The following TTN variants were observed in gnomAD, a reference collection of about 807,000 sequenced individuals.
TTN encodes the protein connectin.
In TTN, 1,525 loss-of-function variants were observed where a neutral mutation model predicts 3,223.0. The ratio of observed to expected loss-of-function variants is 0.47; its 90% CI spans 0.45 to 0.49. TTN has a LOEUF of 0.49. Ranked by LOEUF, TTN falls within the 20% of genes least tolerant of loss-of-function variation. The pLI, the probability that TTN is intolerant of heterozygous loss-of-function variation, is 0.00. For synonymous variants in TTN, 14,094 were observed against 15,161.0 expected, an observed-to-expected ratio of 0.93 and a Z score of 5.17; for missense variants, 40,786 against 43,424.0, an observed-to-expected ratio of 0.94 and a Z score of 5.40.
In TTN at chr2:178,536,094, G is replaced by T. The variant is rs727505326; in HGVS notation, c.100653C>A (p.Gly33551=). ...LKYRIQEFKG[G]YHQLIIASVT... is the part of the protein sequence containing the mutation. The stretch of plus-strand genomic sequence containing the variant: ...CACTTGCAATGATGAGCTGGTGGTA[G>T]CCACCCTTAAATTCTTGAATCCTAT... The change falls in exon 357 of 363, where the codon GGC becomes GGA. Residue 33551 remains glycine (G), a synonymous_variant. Transcript: ENST00000589042. 3.7e-6 allele frequency: 6 copies of T among 1,611,142 alleles called. No homozygotes were observed. The Admixed American group carries it at 5.0e-5, about 13-fold the overall frequency.
Position 178,630,382 on chromosome 2 carries a change from CA to C in TTN, c.44155-16del, listed in dbSNP as rs1426821824. 1 of 1,585,436 alleles carries C rather than the reference CA, an allele frequency of 6.3e-7. No homozygotes were observed. Among genetic ancestry groups the C allele is most frequent in the Non-Finnish European group, 8.5e-7 (1 of 1,171,972 alleles). On this transcript the variant is annotated splice_polypyrimidine_tract_variant and intron_variant, in intron 238 of 362. Transcript: ENST00000589042. Reference sequence around the variant, plus strand: ...ATTTCACAATCCTGTACCAACAAAACAGAAAAACTTTCATAGAAAATAATTT... The same window carrying C: ...ATTTCACAATCCTGTACCAACAAAACGAAAAACTTTCATAGAAAATAATTT...
At chr2:178,727,406 C>A in intron 68 of TTN, 35 bp from the exon 69 acceptor site, 1 of 1,528,884 alleles carries the variant, frequency 6.5e-7, no homozygotes, top group Non-Finnish European at 8.8e-7. Context: ...TATCAGGGAA[C>A]AGAAATAAAT....
At position 178,563,606 on chromosome 2, in the gene TTN, C is replaced by T. The variant is rs1246168127; in HGVS notation, c.82526G>A (p.Arg27509Gln). Residue 27509 changes from arginine to glutamine, a missense_variant, in exon 326 of 363, where the codon CGA becomes CAA. Coordinates refer to ENST00000589042, the MANE Select transcript of TTN (RefSeq NM_001267550.2). The surrounding 1 kb of genome is among the most constrained non-coding windows in gnomAD (Gnocchi z 4.5). Reference protein sequence around the residue: ...TEIEGYILEKRDKEGVRWTKC... With the variant: ...TEIEGYILEKQDKEGVRWTKC... ...GGTCCATCTAACGCCTTCCTTATCT[C>T]GTTTTTCAAGAATGTAGCCCTCAAT... The T allele has an allele frequency of 5.6e-6, 9 of 1,613,726 alleles. No individual in the cohort carries two copies. The Admixed American group carries it at 1.2e-4, about 21-fold the overall frequency.
Position 178,597,659 on chromosome 2 carries a change from G to C in TTN, c.57423C>G (p.Thr19141=). The change falls in exon 294 of 363, where the codon ACC becomes ACG. Residue 19141 remains threonine (T), a synonymous_variant. Coordinates refer to ENST00000589042, the MANE Select transcript of TTN (RefSeq NM_001267550.2). ...RTLPQEATIE[T]TAISSSMVIK... is the part of the protein sequence containing the mutation. ...TGACCATGGATGAGCTAATGGCTGT[G>C]GTCTCAATGGTGGCTTCTTGAGGTA... is the stretch of plus-strand genomic sequence containing the variant. 6.2e-7 allele frequency: 1 copy of C among 1,613,302 alleles called. No homozygotes were observed. The highest frequency in any genetic ancestry group is 1.1e-5 in the South Asian group (1 of 91,068).
chr2:178,572,081 T>A lies in TTN; in HGVS notation c.74051A>T (p.Glu24684Val). The change falls in exon 326 of 363, where the codon GAA (glutamate) becomes GTA (valine). Residue 24684 changes from glutamate (E) to valine (V), a missense_variant. Coordinates refer to ENST00000589042, the MANE Select transcript of TTN (RefSeq NM_001267550.2). ...CTGAGCTGAAACACGGAAAGAGTAT[T>A]CTTCACCCTGAATTAATCCAGTGAT... Reference protein sequence around the residue: ...ATITGLIQGEEYSFRVSAQNE... With the variant: ...ATITGLIQGEVYSFRVSAQNE... 1 of 1,613,272 alleles carries A rather than the reference T, an allele frequency of 6.2e-7. No homozygotes were observed. Among genetic ancestry groups the A allele is most frequent in the Non-Finnish European group, 8.5e-7 (1 of 1,179,564 alleles).
At position 178,799,873 on chromosome 2, in the gene TTN, A is replaced by C; in HGVS notation, c.621T>G (p.Ile207Met). ...ATTCTGAGATCTGAGCAGTCGAAAC[A>C]ATTGTCTTTGTCTTTTTAGCAGGTA... The part of the protein sequence containing the change: ...EEVPAKKTKT[I>M]VSTAQISESR... Residue 207 changes from isoleucine to methionine, a missense_variant, in exon 5 of 363, where the codon ATT (isoleucine) becomes ATG (methionine). Physicochemically the swap from Ile to Met is conservative, Grantham distance 10. Transcript: ENST00000589042. 1 of 1,614,122 alleles carries C rather than the reference A, an allele frequency of 6.2e-7. No homozygotes were observed. Among genetic ancestry groups the C allele is most frequent in the Non-Finnish European group, 8.5e-7 (1 of 1,180,008 alleles).
At chr2:178,689,757 C>G in intron 122 of TTN, 56 bp downstream of exon 122, 1 of 1,534,558 alleles carries the variant, frequency 6.5e-7, no homozygotes. Context: ...TAATTAAACA[C>G]AACATATTTT....
rs769494020 is a variant in TTN at position 178,651,897 on chromosome 2, C to T, written c.39366G>A (p.Ala13122=). 2.7e-5 allele frequency: 44 copies of T among 1,608,362 alleles called. No individual in the cohort carries two copies. The highest frequency in any genetic ancestry group is 1.7e-4 in the Middle Eastern group (1 of 6,058). Residue 13122 remains alanine (A), a synonymous_variant, in exon 205 of 363, where the codon GCG becomes GCA. Transcript: ENST00000589042. ...PAEVVEEPEP[A]APPQVTVPPK... ...CTTGCCATGTACCTTGTGGAGGCGC[C>T]GCTGGCTCTGGCTCTTCCACAACTT...
chr2:178,590,776 A>G lies in TTN; in HGVS notation c.60949T>C (p.Trp20317Arg). 6.2e-7 allele frequency: 1 copy of G among 1,606,894 alleles called. No individual in the cohort carries two copies. Among genetic ancestry groups the G allele is most frequent in the Middle Eastern group, 1.7e-4 (1 of 6,024 alleles). The change falls in exon 304 of 363, where the codon TGG (tryptophan) becomes CGG (arginine). Residue 20317 changes from tryptophan (W) to arginine (R), a missense_variant. Physicochemically the swap from Trp to Arg is moderately radical, Grantham distance 101. Transcript: ENST00000589042. Reference protein sequence around the residue: ...YMERREVTGKWVRVNKTPIAD... With the variant: ...YMERREVTGKRVRVNKTPIAD... ...ATAGGTGTTTTGTTGACCCTCACCC[A>G]TTTGCCAGTTACTTCTCGACGTTCC...
chr2:178,635,270 G>A lies in TTN; in HGVS notation c.41919C>T (p.Asp13973=), dbSNP rs554430437. ...REVELLKPIE[D]VTIYEKESAS... ...CACTTTCTTTCTCATAAATGGTAAC[G>A]TCCTCTATTGGTTTAAGCAGTTCAA... The change falls in exon 228 of 363, where the codon GAC becomes GAT. Residue 13973 remains aspartate, a synonymous_variant. Transcript: ENST00000589042. The A allele has an allele frequency of 2.5e-5, 40 of 1,613,224 alleles. No homozygotes were observed. In the South Asian group the frequency reaches 2.7e-4, roughly 11 times the overall value.
intron 156 of TTN, 97 bp from the exon 157 acceptor site, chr2:178,670,392 A>G: frequency 1.7e-6 from 1 of 572,306 alleles, no homozygotes; most frequent in Non-Finnish European, 2.7e-6. Context: ...GAACACAGCA[A>G]CAATATAAAA....
At chr2:178,558,978 C>T (rs1702552638) in intron 326 of TTN, 5 of 349,900 alleles carry the variant, frequency 1.4e-5, no homozygotes, top group East Asian at 1.4e-4. Context: ...CACATACACA[C>T]ATATGATATA....
chr2:178,565,159 G>T lies in TTN; in HGVS notation c.80973C>A (p.Val26991=). ...RFDEVSADFV[V]ISWEPPAYTG... is the part of the protein sequence containing the mutation. Reference sequence around the variant, plus strand: ...TATAGGCTGGAGGTTCCCAAGATATGACTACAAAGTCTGCACTAACTTCAT... The same window carrying T: ...TATAGGCTGGAGGTTCCCAAGATATTACTACAAAGTCTGCACTAACTTCAT... Residue 26991 remains valine, a synonymous_variant, in exon 326 of 363, where the codon GTC becomes GTA. Transcript: ENST00000589042. 6.2e-7 allele frequency: 1 copy of T among 1,613,300 alleles called. No individual in the cohort carries two copies. The highest frequency in any genetic ancestry group is 8.5e-7 in the Non-Finnish European group (1 of 1,179,526).
chr2:178,711,843 A>G (rs748287546), intron 96 of TTN, 101 bp downstream of exon 96: 1 of 1,400,036 alleles, frequency 7.1e-7, no homozygotes, highest in Non-Finnish European at 9.6e-7. Flanking sequence ...CAGAATTTTA[A>G]GCCTTTGGAA....
In TTN at chr2:178,636,474, G is replaced by A. The variant is rs772643931; in HGVS notation, c.41253C>T (p.Ser13751=). ...RKLHIIDVQL[S]DAGEYTCVLR... ...AAACACAGGTGTATTCACCAGCATCGGAAAGTTGAACATCAATGATGTGCA... is the reference window on the plus strand; with the variant it reads ...AAACACAGGTGTATTCACCAGCATCAGAAAGTTGAACATCAATGATGTGCA... The change falls in exon 225 of 363, where the codon TCC becomes TCT. Residue 13751 remains serine (S), a synonymous_variant. Coordinates refer to ENST00000589042, the MANE Select transcript of TTN (RefSeq NM_001267550.2). This position sits in a 1 kb window ranked among gnomAD's most constrained non-coding sequence, Gnocchi z 4.3. The A allele has an allele frequency of 9.3e-6, 15 of 1,613,054 alleles. No homozygotes were observed. In the East Asian group the frequency reaches 1.1e-4, roughly 12 times the overall value.
intron 47 of TTN, chr2:178,749,482 C>T (rs1360243415): frequency 1.2e-6 from 2 of 1,612,644 alleles, no homozygotes; most frequent in Non-Finnish European, 1.7e-6. Context: ...GAAAATAGTC[C>T]CTTACTGAAT....
chr2:178,703,607 G>A (rs2075361705), intron 106 of TTN, among the ~76,000 whole-genome samples: 1 of 152,164 alleles, frequency 6.6e-6, no homozygotes, highest in Admixed American at 6.5e-5. Context: ...GGAAATGAAT[G>A]TTGTTACTCC....
chr2:178,699,475 A>G (rs1217878612), intron 111 of TTN, among the ~76,000 whole-genome samples: 75 of 116,226 alleles, frequency 6.5e-4, no homozygotes, highest in Non-Finnish European at 9.9e-4. Flanking sequence ...GCAGTGGCGC[A>G]ATCTCGGCTC....
At chr2:178,762,046 G>A (rs2154338474) in intron 43 of TTN, among the ~76,000 whole-genome samples, 1 of 152,118 alleles carries the variant, frequency 6.6e-6, no homozygotes, top group African/African-American at 2.4e-5. Context: ...GGTTGCTCAG[G>A]GCCACGTTTC....
Sources: allele counts gnomAD v4.1 joint callset (sites outside exome capture counted in the v4.1 genomes callset), GRCh38; gene constraint gnomAD v4.1.1; non-coding constraint Gnocchi (gnomAD v3.1); transcripts MANE v1.5; gene names NCBI Gene and HGNC (gene_info 2026-07-23, HGNC 2026-07-21).